Variants in SDK1 observed in about 807,000 individuals in gnomAD.
SDK1 encodes the protein sidekick cell adhesion molecule 1.
A neutral mutation model predicts 245.5 loss-of-function variants in SDK1; 157 were observed. The observed-to-expected ratio is 0.64, with a 90% CI of 0.56 to 0.73. The LOEUF (loss-of-function observed/expected upper bound fraction) is 0.73, where lower values mean the gene tolerates loss of function less well. Ranked by LOEUF, SDK1 falls within the 30% of genes least tolerant of loss-of-function variation. The pLI is 0.00. For synonymous variants in SDK1, 1,647 were observed against 1,278.5 expected (o/e 1.29, Z -6.15); for missense variants, 3,583 against 3,002.3 (o/e 1.19, Z -4.52).
chr7:3,367,414 A>C (rs546287754), intron 1 of SDK1, among the ~76,000 whole-genome samples: 6 of 152,306 alleles, frequency 3.9e-5, no homozygotes, highest in African/African-American at 1.4e-4. Flanking sequence ...ACTATATTTC[A>C]AGCCAACTGT....
At chr7:4,206,370 C>T (rs1308203154) in intron 36 of SDK1, among the ~76,000 whole-genome samples, 2 of 152,196 alleles carry the variant, frequency 1.3e-5, no homozygotes, top group Non-Finnish European at 2.9e-5. Context: ...CATGGGGCGC[C>T]TGGAAGAGAC....
intron 1 of SDK1, among the ~76,000 whole-genome samples, chr7:3,493,245 C>T (rs1406519820): frequency 1.3e-5 from 2 of 151,694 alleles, no homozygotes; most frequent in East Asian, 1.9e-4. Context: ...ACCACCATGC[C>T]TGGCTGAAGA....
intron 35 of SDK1, among the ~76,000 whole-genome samples, chr7:4,193,327 A>G (rs1016690878): frequency 2.6e-4 from 35 of 133,892 alleles, no homozygotes; most frequent in Admixed American, 2.6e-3. Context: ...TATACAATAT[A>G]TAAATATATT....
At chr7:3,419,414 C>A (rs1230001413) in intron 1 of SDK1, among the ~76,000 whole-genome samples, 1 of 152,146 alleles carries the variant, frequency 6.6e-6, no homozygotes, top group Non-Finnish European at 1.5e-5. Flanking sequence ...TCCTCCCTGA[C>A]ACTAGAGCAC....
intron 40 of SDK1, among the ~76,000 whole-genome samples, chr7:4,232,233 G>T (rs959049951): frequency 5.3e-5 from 8 of 151,752 alleles, no homozygotes; most frequent in African/African-American, 9.7e-5. Flanking sequence ...GGTCAGAGAG[G>T]TTCCGTTCTT....
intron 1 of SDK1, among the ~76,000 whole-genome samples, chr7:3,432,585 A>AC (rs1779888356): frequency 6.6e-6 from 1 of 152,172 alleles, no homozygotes; most frequent in African/African-American, 2.4e-5. Flanking sequence ...AAGGGAAGAA[A>AC]CATATTTTGC....
At chr7:3,831,327 A>G (rs1452975782) in intron 5 of SDK1, among the ~76,000 whole-genome samples, 1 of 152,204 alleles carries the variant, frequency 6.6e-6, no homozygotes, top group East Asian at 1.9e-4. Context: ...TTTCTAGACT[A>G]AATGGTTCTA....
chr7:4,064,902 G>T (rs1196949591), intron 19 of SDK1, among the ~76,000 whole-genome samples: 1 of 152,160 alleles, frequency 6.6e-6, no homozygotes, highest in Non-Finnish European at 1.5e-5. Context: ...GCTGGGAGGG[G>T]TGTGTCGGTG....
intron 14 of SDK1, among the ~76,000 whole-genome samples, chr7:3,988,613 G>A (rs1484791201): frequency 4.6e-5 from 7 of 151,990 alleles, no homozygotes; most frequent in South Asian, 2.1e-4. Flanking sequence ...AACTCAACAC[G>A]GATTTTATGT....
chr7:4,141,947 G>A (rs1779608847), intron 28 of SDK1, among the ~76,000 whole-genome samples: 1 of 152,108 alleles, frequency 6.6e-6, no homozygotes, highest in Admixed American at 6.5e-5. Context: ...AGTAGAGGCG[G>A]GGTTTCACCA....
At chr7:4,021,338 A>G (rs575762887) in intron 17 of SDK1, among the ~76,000 whole-genome samples, 20 of 152,288 alleles carry the variant, frequency 1.3e-4, no homozygotes, top group African/African-American at 3.8e-4. Flanking sequence ...GGAACGGGCT[A>G]TGGACACGAG....
chr7:3,527,365 G>A (rs537376020), intron 1 of SDK1, among the ~76,000 whole-genome samples: 1 of 152,166 alleles, frequency 6.6e-6, no homozygotes, highest in Non-Finnish European at 1.5e-5. Context: ...TGAACGTGGA[G>A]ATGAAGGCAT....
chr7:3,541,368 C>T (rs1027356711), intron 1 of SDK1, among the ~76,000 whole-genome samples: 5 of 152,316 alleles, frequency 3.3e-5, no homozygotes, highest in South Asian at 2.1e-4. Context: ...CAGAGGAGGG[C>T]GTAATCTAAG....
chr7:3,473,873 C>G (rs557808160), intron 1 of SDK1, among the ~76,000 whole-genome samples: 1 of 151,828 alleles, frequency 6.6e-6, no homozygotes, highest in East Asian at 1.9e-4. Flanking sequence ...TCTCCAAATT[C>G]GCGTATGTTC....
chr7:4,255,417 G>A (rs1562485701), intron 44 of SDK1, among the ~76,000 whole-genome samples: 2 of 152,176 alleles, frequency 1.3e-5, no homozygotes, highest in South Asian at 2.1e-4. Flanking sequence ...TGACACACCC[G>A]CTACACAAGT....
intron 1 of SDK1, among the ~76,000 whole-genome samples, chr7:3,495,963 T>G (rs1782012757): frequency 6.6e-6 from 1 of 152,218 alleles, no homozygotes; most frequent in Non-Finnish European, 1.5e-5. Context: ...TGCATACAAC[T>G]AGAACATACT....
chr7:4,209,395 C>T (rs949738854), intron 37 of SDK1, among the ~76,000 whole-genome samples: 3 of 152,172 alleles, frequency 2.0e-5, no homozygotes, highest in Non-Finnish European at 4.4e-5. Flanking sequence ...CCCCAGTACA[C>T]GCCCACCTTA....
intron 5 of SDK1, among the ~76,000 whole-genome samples, chr7:3,857,401 G>T (rs1399217359): frequency 6.6e-6 from 1 of 152,164 alleles, no homozygotes; most frequent in Non-Finnish European, 1.5e-5. Context: ...ACCTAAGACA[G>T]GCTGGGTGTG....
intron 13 of SDK1, among the ~76,000 whole-genome samples, chr7:3,982,682 T>C (rs1783504060): frequency 6.6e-6 from 1 of 151,750 alleles, no homozygotes; most frequent in Non-Finnish European, 1.5e-5. Flanking sequence ...CCACTAAAAA[T>C]ACAAAAAATT....
Sources: allele counts gnomAD v4.1 joint callset (sites outside exome capture counted in the v4.1 genomes callset), GRCh38; gene constraint gnomAD v4.1.1; transcripts MANE v1.5; gene names NCBI Gene and HGNC (gene_info 2026-07-23, HGNC 2026-07-21).